The following FSTL5 variants were observed in gnomAD, a reference collection of about 807,000 sequenced individuals.
The protein encoded by FSTL5 is follistatin like 5.
A neutral mutation model predicts 89.1 loss-of-function variants in FSTL5; 62 were observed. The ratio of observed to expected loss-of-function variants is 0.70; its 90% CI spans 0.57 to 0.86. FSTL5 has a LOEUF of 0.86. Ranked by LOEUF, FSTL5 falls within the 40% of genes least tolerant of loss-of-function variation. The pLI is 0.00. For missense variants in FSTL5, 1,057 were observed against 1,001.6 expected, an observed-to-expected ratio of 1.06 and a Z score of -0.75; for synonymous variants, 383 against 346.2, an observed-to-expected ratio of 1.11 and a Z score of -1.18.
intron 15 of FSTL5, among the ~76,000 whole-genome samples, chr4:161,407,301 T>C (rs1307908826): frequency 2.0e-5 from 3 of 152,148 alleles, no homozygotes; most frequent in Non-Finnish European, 4.4e-5. Flanking sequence ...AGTAGATGCA[T>C]ACAGGAAGTG....
At chr4:161,707,429 GTAT>G (rs1738620384) in intron 6 of FSTL5, among the ~76,000 whole-genome samples, 2 of 151,830 alleles carry the variant, frequency 1.3e-5, no homozygotes, top group South Asian at 4.1e-4. Flanking sequence ...CAAAGAGAAA[GTAT>G]GATAAAACTT....
At chr4:162,017,202 G>T (rs1038215668) in intron 3 of FSTL5, among the ~76,000 whole-genome samples, 1 of 152,134 alleles carries the variant, frequency 6.6e-6, no homozygotes, top group African/African-American at 2.4e-5. Context: ...CCTGTGGTGT[G>T]CAGACCACAT....
intron 4 of FSTL5, among the ~76,000 whole-genome samples, chr4:161,781,783 C>A (rs1741678984): frequency 6.6e-6 from 1 of 152,092 alleles, no homozygotes; most frequent in African/African-American, 2.4e-5. Context: ...CATTAAAGTT[C>A]TTGATGTTGT....
chr4:161,753,984 G>A (rs1220323844), intron 6 of FSTL5, among the ~76,000 whole-genome samples: 1 of 142,752 alleles, frequency 7.0e-6, no homozygotes, highest in Admixed American at 7.4e-5. Flanking sequence ...GGAGCTTGCA[G>A]TGAGCCGAGA....
At chr4:161,577,519 T>C (rs956436286) in intron 8 of FSTL5, among the ~76,000 whole-genome samples, 1 of 149,542 alleles carries the variant, frequency 6.7e-6, no homozygotes, top group Non-Finnish European at 1.5e-5. Flanking sequence ...TATAATTGTC[T>C]TGGCTTTCTT....
intron 15 of FSTL5, among the ~76,000 whole-genome samples, chr4:161,441,184 T>A (rs1732748914): frequency 6.6e-6 from 1 of 152,106 alleles, no homozygotes; most frequent in African/African-American, 2.4e-5. Flanking sequence ...TGCTCATGAT[T>A]GACAAACAGA....
At chr4:161,660,133 T>A (rs1736655994) in intron 6 of FSTL5, among the ~76,000 whole-genome samples, 1 of 152,200 alleles carries the variant, frequency 6.6e-6, no homozygotes, top group African/African-American at 2.4e-5. Context: ...ATTTTAATGA[T>A]TTTTTTCTGA....
At chr4:161,779,704 G>A (rs1741548920) in intron 4 of FSTL5, among the ~76,000 whole-genome samples, 1 of 140,562 alleles carries the variant, frequency 7.1e-6, no homozygotes, top group African/African-American at 2.6e-5. Flanking sequence ...TTATTTAATA[G>A]CTAAAATTAA....
At chr4:161,977,639 A>AAAAAAAAAAAAAAAAAAAAAAAAAAT (rs1553988132) in intron 3 of FSTL5, among the ~76,000 whole-genome samples, 2 of 101,244 alleles carry the variant, frequency 2.0e-5, no homozygotes, top group African/African-American at 8.2e-5. Context: ...AAAAAAAAAA[A>AAAAAAAAAAAAAAAAAAAAAAAAAAT]AATAATAATA....
At chr4:161,706,126 G>A (rs1219967570) in intron 6 of FSTL5, among the ~76,000 whole-genome samples, 3 of 150,248 alleles carry the variant, frequency 2.0e-5, no homozygotes, top group East Asian at 3.9e-4. Context: ...AGGAAACAAT[G>A]ACGAACAAGT....
intron 4 of FSTL5, among the ~76,000 whole-genome samples, chr4:161,863,094 C>T (rs961495593): frequency 1.3e-5 from 2 of 152,164 alleles, no homozygotes; most frequent in Non-Finnish European, 1.5e-5. Context: ...TCAGTTATAA[C>T]ATTTAACTAT....
At chr4:161,531,135 G>C (rs1731399274) in intron 10 of FSTL5, among the ~76,000 whole-genome samples, 1 of 152,090 alleles carries the variant, frequency 6.6e-6, no homozygotes, top group Non-Finnish European at 1.5e-5. Context: ...TTATTTTGAA[G>C]CACATATTTT....
chr4:161,653,729 A>G (rs546989479), intron 7 of FSTL5, among the ~76,000 whole-genome samples: 3 of 152,324 alleles, frequency 2.0e-5, no homozygotes, highest in African/African-American at 7.2e-5. Flanking sequence ...TTGTCACATT[A>G]CATAGTCATA....
intron 14 of FSTL5, among the ~76,000 whole-genome samples, chr4:161,456,092 G>T (rs1733342605): frequency 6.6e-6 from 1 of 151,958 alleles, no homozygotes; most frequent in Admixed American, 6.6e-5. Flanking sequence ...ATCCCTCCTG[G>T]CTGGGGCCCA....
At chr4:161,782,696 G>A (rs181252418) in intron 4 of FSTL5, among the ~76,000 whole-genome samples, 213 of 152,234 alleles carry the variant, frequency 1.4e-3, no homozygotes, top group Admixed American at 2.4e-3. Context: ...GGGAAGTATC[G>A]TGAGTTAAAA....
intron 3 of FSTL5, among the ~76,000 whole-genome samples, chr4:161,999,057 G>A (rs1283415906): frequency 6.6e-6 from 1 of 152,140 alleles, no homozygotes; most frequent in African/African-American, 2.4e-5. Context: ...CTCTAAACTA[G>A]TTTTTCAGGT....
At chr4:161,396,601 C>T (rs1731008965) in intron 15 of FSTL5, among the ~76,000 whole-genome samples, 1 of 150,292 alleles carries the variant, frequency 6.7e-6, no homozygotes, top group Non-Finnish European at 1.5e-5. Flanking sequence ...TTGCAGTAAG[C>T]TGAGATCGCA....
chr4:161,842,444 A>G (rs1731239804), intron 4 of FSTL5, among the ~76,000 whole-genome samples: 2 of 152,178 alleles, frequency 1.3e-5, no homozygotes, highest in South Asian at 4.1e-4. Flanking sequence ...ATCTCTTTAT[A>G]TGTGATAAAT....
chr4:161,566,352 C>T (rs1416571680), intron 8 of FSTL5, among the ~76,000 whole-genome samples: 14 of 151,666 alleles, frequency 9.2e-5, no homozygotes. Context: ...TTATCCAATA[C>T]ACAGTTGATG....
Sources: allele counts gnomAD v4.1 joint callset (sites outside exome capture counted in the v4.1 genomes callset), GRCh38; gene constraint gnomAD v4.1.1; transcripts MANE v1.5; gene names NCBI Gene and HGNC (gene_info 2026-07-23, HGNC 2026-07-21).